The following PCDH15 variants were observed in gnomAD, a reference collection of about 807,000 sequenced individuals.
PCDH15 encodes the protein protocadherin related 15, also known as protocadherin-15.
In PCDH15, 129 loss-of-function variants were observed where a neutral mutation model predicts 178.5. The ratio of observed to expected loss-of-function variants is 0.72; its 90% confidence interval spans 0.63 to 0.84. The LOEUF is 0.84. Ranked by LOEUF, PCDH15 falls within the 40% of genes least tolerant of loss-of-function variation. The pLI, the probability that PCDH15 is intolerant of heterozygous loss-of-function variation, is 0.00. For synonymous variants in PCDH15, 800 were observed against 732.0 expected (o/e 1.09, Z -1.50); for missense variants, 2,230 against 2,099.9 (o/e 1.06, Z -1.21).
Position 54,751,597 on chromosome 10 carries a change from A to C in PCDH15, c.-29+49328T>G, listed in dbSNP as rs1946233113. Among the ~76,000 whole-genome samples the C allele has an allele frequency of 2.6e-5, 4 of 152,322 alleles. No homozygotes were observed. The South Asian group carries it at 8.3e-4, about 32-fold the overall frequency. On this transcript the variant is annotated intron_variant, in intron 1 of 37. Transcript: ENST00000644397. ...TGTTAGAGAAAAATTGGACAAATAG[A>C]ATTAAATGTCTAGCCAATTTACTAT...
intron 3 of PCDH15, among the ~76,000 whole-genome samples, chr10:54,421,816 GTATATATATA>G (rs71185272): frequency 6.5e-5 from 7 of 107,962 alleles, no homozygotes; most frequent in African/African-American, 2.9e-4. Context: ...TGTAGTGTGT[GTATATATATA>G]TATATATATA....
At chr10:54,436,008 AGAGG>A (rs2075363681) in intron 3 of PCDH15, among the ~76,000 whole-genome samples, 1 of 54,426 alleles carries the variant, frequency 1.8e-5, no homozygotes, top group African/African-American at 1.3e-4. Context: ...AAAGAAGAGG[AGAGG>A]AGAGGAGAGG....
Position 53,866,838 on chromosome 10 carries a change from C to A in PCDH15, c.3521G>T (p.Gly1174Val). The A allele has an allele frequency of 1.2e-6, 2 of 1,610,682 alleles. No homozygotes were observed. The highest frequency in any genetic ancestry group is 1.7e-6 in the Non-Finnish European group (2 of 1,177,518). The change falls in exon 27 of 38, where the codon GGC becomes GTC. Residue 1174 changes from glycine to valine, a missense_variant. Physicochemically the swap from Gly to Val is moderately radical, Grantham distance 109. Transcript: ENST00000644397. ...TCTGTAGGCCATGACACTATAATTG[C>A]CAGTATCTTTATCAGTAGCCTAGAC... ...LRVKATDKDT[G>V]NYSVMAYRLI...
intron 2 of PCDH15, among the ~76,000 whole-genome samples, chr10:55,126,073 T>G (rs1422923910): frequency 2.0e-5 from 3 of 152,076 alleles, no homozygotes; most frequent in Admixed American, 6.6e-5. Flanking sequence ...AATATAGTCA[T>G]CATTTCCCCC....
chr10:54,919,492 C>A (rs1316010820), intron 2 of PCDH15, among the ~76,000 whole-genome samples: 2 of 152,102 alleles, frequency 1.3e-5, no homozygotes, highest in Non-Finnish European at 2.9e-5. Context: ...CCTCTGAACC[C>A]CAAAATATAA....
intron 2 of PCDH15, among the ~76,000 whole-genome samples, chr10:54,573,985 C>T (rs1352012497): frequency 1.3e-5 from 2 of 152,176 alleles, no homozygotes; most frequent in Non-Finnish European, 2.9e-5. Flanking sequence ...TGCCTGTTCA[C>T]TCTGATGGTA....
intron 1 of PCDH15, among the ~76,000 whole-genome samples, chr10:55,222,943 AT>A (rs1315584248): frequency 3.3e-5 from 5 of 151,714 alleles, no homozygotes; most frequent in African/African-American, 4.9e-5. Context: ...ATTGATAACA[AT>A]TTTTTTGATT....
Position 54,505,710 on chromosome 10 carries a change from G to A in PCDH15, c.157+22102C>T, listed in dbSNP as rs567968433. On this transcript the variant is annotated intron_variant, in intron 3 of 37. Coordinates refer to ENST00000644397, the MANE Select transcript of PCDH15 (RefSeq NM_001384140.1). ...TACCTAATGTAGATGACGGGTCGATGGGAGCAGCAAACCACCATAGCACGT... is the reference window on the plus strand; with the variant it reads ...TACCTAATGTAGATGACGGGTCGATAGGAGCAGCAAACCACCATAGCACGT... 1.5e-4 allele frequency among the ~76,000 whole-genome samples: 23 copies of A among 152,176 alleles called. 1 individual carries two copies. The South Asian group carries it at 2.7e-3, about 18-fold the overall frequency.
At chr10:54,347,891 C>T (rs1943561807) in intron 5 of PCDH15, among the ~76,000 whole-genome samples, 1 of 151,662 alleles carries the variant, frequency 6.6e-6, no homozygotes, top group Non-Finnish European at 1.5e-5. Context: ...CTCTGTCACC[C>T]AGGCTGGAGT....
intron 15 of PCDH15, among the ~76,000 whole-genome samples, chr10:54,099,513 A>AAATATATATAT (rs1347306483): frequency 7.6e-5 from 9 of 117,898 alleles, no homozygotes; most frequent in African/African-American, 3.4e-4. Flanking sequence ...AAAAAAAAAA[A>AAATATATATAT]ATATATATAT....
intron 3 of PCDH15, among the ~76,000 whole-genome samples, chr10:54,470,940 G>T (rs951821736): frequency 1.3e-5 from 2 of 151,794 alleles, no homozygotes; most frequent in Admixed American, 1.3e-4. Flanking sequence ...CACTGATCAG[G>T]TACAAAGACC....
chr10:55,406,044 T>C (rs564973163), intron 2 of PCDH15, among the ~76,000 whole-genome samples: 1 of 145,962 alleles, frequency 6.9e-6, no homozygotes, highest in East Asian at 1.9e-4. Context: ...CATGTGGCTA[T>C]CTAGTTGGCA....
intron 15 of PCDH15, among the ~76,000 whole-genome samples, chr10:54,129,403 T>C (rs2042241918): frequency 1.3e-5 from 2 of 152,208 alleles, no homozygotes; most frequent in South Asian, 4.1e-4. Flanking sequence ...TGTTTGTTTG[T>C]TATTAGAAAA....
At chr10:54,646,964 T>C (rs2094142777) in intron 2 of PCDH15, among the ~76,000 whole-genome samples, 1 of 152,028 alleles carries the variant, frequency 6.6e-6, no homozygotes, top group South Asian at 2.1e-4. Context: ...AACTACAATA[T>C]GATCCATGAA....
At chr10:55,068,537 G>A (rs1841626986) in intron 2 of PCDH15, among the ~76,000 whole-genome samples, 1 of 152,014 alleles carries the variant, frequency 6.6e-6, no homozygotes, top group African/African-American at 2.4e-5. Flanking sequence ...GATTCCTTCA[G>A]CTTTGTTTTA....
At chr10:55,567,166 G>A (rs1457638427) in intron 2 of PCDH15, among the ~76,000 whole-genome samples, 3 of 151,876 alleles carry the variant, frequency 2.0e-5, no homozygotes, top group Non-Finnish European at 4.4e-5. Flanking sequence ...GGTGTCAAGA[G>A]TATTCAATGG....
chr10:54,254,475 A>G (rs2132150176), intron 8 of PCDH15, among the ~76,000 whole-genome samples: 1 of 152,260 alleles, frequency 6.6e-6, no homozygotes, highest in Non-Finnish European at 1.5e-5. Flanking sequence ...AGTATAAAAC[A>G]TTTGGCAGAG....
chr10:53,897,778 G>T (rs1484853962), intron 26 of PCDH15, among the ~76,000 whole-genome samples: 2 of 152,072 alleles, frequency 1.3e-5, no homozygotes, highest in African/African-American at 4.8e-5. Context: ...GGTAAGTAGA[G>T]TCATACAATA....
At chr10:54,037,157 A>C (rs2093434794) in intron 18 of PCDH15, among the ~76,000 whole-genome samples, 1 of 151,972 alleles carries the variant, frequency 6.6e-6, no homozygotes, top group East Asian at 1.9e-4. Context: ...ACCTACTCCT[A>C]ATGAAGATGC....
Sources: gnomAD v4.1 joint callset for allele counts (sites outside exome capture counted in the v4.1 genomes callset) on GRCh38, gnomAD v4.1.1 for gene constraint, MANE v1.5 for transcripts, NCBI Gene and HGNC (gene_info 2026-07-23, HGNC 2026-07-21) for gene names.